The following XKR9 variants were observed in gnomAD, a reference collection of about 807,000 sequenced individuals.
XKR9 encodes the protein XK related 9.
Under a neutral mutation model 32.0 loss-of-function variants are expected in XKR9, and 32 were observed. The ratio of observed to expected loss-of-function variants is 1.00; its 90% CI spans 0.76 to 1.34. XKR9 has a LOEUF of 1.34. Ranked by LOEUF, XKR9 falls within the 40% of genes most tolerant of loss-of-function variation. XKR9 has a pLI of 0.00. For synonymous variants in XKR9, 168 were observed against 143.4 expected (o/e 1.17, Z -1.22); for missense variants, 546 against 429.7 (o/e 1.27, Z -2.39).
the XKR9 span, among the ~76,000 whole-genome samples, chr8:70,801,679 C>A: frequency 6.6e-6 from 1 of 152,018 alleles, no homozygotes; most frequent in Non-Finnish European, 1.5e-5. Flanking sequence ...CTGTTAGGCC[C>A]ATTTGGTCAT....
At chr8:70,748,738 T>C (rs1807093460) in intron 2 of XKR9, among the ~76,000 whole-genome samples, 1 of 152,164 alleles carries the variant, frequency 6.6e-6, no homozygotes, top group Admixed American at 6.5e-5. Flanking sequence ...GGCCAGGCTG[T>C]CAGTTCTGGG....
At chr8:70,683,650 G>T in intron 3 of XKR9, 1 of 387,798 alleles carries the variant, frequency 2.6e-6, no homozygotes, top group Non-Finnish European at 5.2e-6. Context: ...ATGACACTTG[G>T]TTAATTTTTG....
chr8:70,907,171 T>A, the XKR9 span, among the ~76,000 whole-genome samples: 1 of 152,206 alleles, frequency 6.6e-6, no homozygotes, highest in Non-Finnish European at 1.5e-5. Context: ...ATAAAATTTA[T>A]GTTTTGCCTG....
the XKR9 span, among the ~76,000 whole-genome samples, chr8:70,796,179 C>T: frequency 2.1e-3 from 323 of 151,864 alleles, 4 homozygotes; most frequent in Middle Eastern, 6.8e-3. Flanking sequence ...AAGCATAGTA[C>T]AAGAAGTAGT....
chr8:70,962,700 C>A, the XKR9 span, among the ~76,000 whole-genome samples: 1 of 152,122 alleles, frequency 6.6e-6, no homozygotes, highest in Non-Finnish European at 1.5e-5. Flanking sequence ...AAACTTCCTG[C>A]ATATGTAATT....
At chr8:70,829,431 T>A in the XKR9 span, among the ~76,000 whole-genome samples, 1 of 152,178 alleles carries the variant, frequency 6.6e-6, no homozygotes, top group Admixed American at 6.5e-5. Context: ...TAAAGCCTCT[T>A]GACATGTATT....
At chr8:70,963,413 TA>T in the XKR9 span, among the ~76,000 whole-genome samples, 1 of 152,216 alleles carries the variant, frequency 6.6e-6, no homozygotes, top group Non-Finnish European at 1.5e-5. Flanking sequence ...TTGTGAGTAG[TA>T]CTGCAATGAG....
At chr8:70,881,783 A>T in the XKR9 span, among the ~76,000 whole-genome samples, 6 of 152,248 alleles carry the variant, frequency 3.9e-5, no homozygotes, top group Admixed American at 6.5e-5. Flanking sequence ...CCAAAGGATT[A>T]TAAATCATGC....
At position 70,735,204 on chromosome 8, in the gene XKR9, C is replaced by A. The variant is rs554432779; in HGVS notation, c.*780C>A. ...CACCTTGTGCAACAGATCTCAAGGACTTTTTCACCTTGTAAAACTAAGATT... is the reference window on the plus strand; with the variant it reads ...CACCTTGTGCAACAGATCTCAAGGAATTTTTCACCTTGTAAAACTAAGATT... On this transcript the variant is annotated 3_prime_UTR_variant, in exon 5 of 5. Transcript: ENST00000408926. 54 of 152,018 alleles carry A rather than the reference C, an allele frequency of 3.6e-4. 1 individual carries two copies. Among genetic ancestry groups the A allele is most frequent in the African/African-American group, 1.2e-3 (48 of 41,470 alleles). The allele number at this position is 152,018 out of a possible 1,614,324, so 9.4% of individuals were successfully genotyped here. A position where few individuals can be genotyped will look rare whatever the true frequency, so the allele number is the denominator to read the frequency against.
rs1806840933 is a variant in XKR9, at chr8:70,735,617, C to T, written c.*1193C>T. 1 of 106,294 alleles carries T rather than the reference C, an allele frequency of 9.4e-6. No homozygotes were observed. Among genetic ancestry groups the T allele is most frequent in the Admixed American group, 1.3e-4 (1 of 7,858 alleles). The allele number at this position is 106,294 out of a possible 1,614,324, so 6.6% of individuals were successfully genotyped here. Reference sequence around the variant, plus strand: ...TCCTAAAGCTATCCCTCCCCCCTCCCCCCACCCCACAACAGTCCCCAGAGT... The same window carrying T: ...TCCTAAAGCTATCCCTCCCCCCTCCTCCCACCCCACAACAGTCCCCAGAGT... On this transcript the variant is annotated 3_prime_UTR_variant, in exon 5 of 5. Transcript: ENST00000408926.
At chr8:71,054,359 T>G in the XKR9 span, among the ~76,000 whole-genome samples, 36 of 152,374 alleles carry the variant, frequency 2.4e-4, no homozygotes, top group African/African-American at 8.4e-4. Flanking sequence ...ACGTAATTTC[T>G]CTAAGGAGTG....
chr8:70,940,606 A>G, the XKR9 span, among the ~76,000 whole-genome samples: 2 of 152,112 alleles, frequency 1.3e-5, no homozygotes, highest in African/African-American at 4.8e-5. Flanking sequence ...TCTTTATAAC[A>G]CTGTGCCTCT....
intron 2 of XKR9, among the ~76,000 whole-genome samples, chr8:70,749,524 G>A (rs544812412): frequency 1.4e-4 from 22 of 152,370 alleles, no homozygotes; most frequent in Admixed American, 5.2e-4. Flanking sequence ...AGCCTCACAT[G>A]GAGTCGGCAT....
At chr8:70,885,995 C>T in the XKR9 span, among the ~76,000 whole-genome samples, 1 of 152,120 alleles carries the variant, frequency 6.6e-6, no homozygotes, top group South Asian at 2.1e-4. Flanking sequence ...CACCCGTCAA[C>T]CCATCACCGA....
At chr8:70,763,948 T>C (rs1218020344) in intron 2 of XKR9, among the ~76,000 whole-genome samples, 1 of 152,230 alleles carries the variant, frequency 6.6e-6, no homozygotes, top group Non-Finnish European at 1.5e-5. Context: ...ATTCAGATTT[T>C]TCAGGCCCTT....
the XKR9 span, among the ~76,000 whole-genome samples, chr8:70,850,740 A>G: frequency 1.3e-5 from 2 of 152,094 alleles, no homozygotes; most frequent in Non-Finnish European, 2.9e-5. Context: ...TACCCCTACT[A>G]GCTAAAAACA....
chr8:70,850,482 AAAG>A, the XKR9 span, among the ~76,000 whole-genome samples: 52 of 135,604 alleles, frequency 3.8e-4, no homozygotes, highest in Non-Finnish European at 5.8e-4. Context: ...AAAAAAAAAA[AAAG>A]AAAGAAAATT....
At chr8:71,048,103 GA>G in the XKR9 span, among the ~76,000 whole-genome samples, 7 of 151,700 alleles carry the variant, frequency 4.6e-5, no homozygotes, top group East Asian at 3.9e-4. Context: ...GGGAGTGACT[GA>G]AAAAAAATGG....
At chr8:70,857,857 AC>A in the XKR9 span, among the ~76,000 whole-genome samples, 1 of 152,204 alleles carries the variant, frequency 6.6e-6, no homozygotes, top group African/African-American at 2.4e-5. Context: ...AGAACCAATG[AC>A]AAAAACCACG....
Sources: allele counts gnomAD v4.1 joint callset (sites outside exome capture counted in the v4.1 genomes callset), GRCh38; gene constraint gnomAD v4.1.1; transcripts MANE v1.5; gene names NCBI Gene and HGNC (gene_info 2026-07-23, HGNC 2026-07-21).